Variants in PSMB5 observed in about 807,000 individuals in gnomAD.
The protein encoded by PSMB5 is proteasome 20S subunit beta 5, also known as proteasome subunit beta type-5.
PSMB5 carries 2 observed loss-of-function variants against 22.8 expected under a neutral mutation model. The ratio of observed to expected loss-of-function variants is 0.09; its 90% confidence interval spans 0.04 to 0.28. The LOEUF (loss-of-function observed/expected upper bound fraction) is 0.28. PSMB5 is among the 10% of genes least tolerant of loss of function. The pLI is 1.00. For synonymous variants in PSMB5, 133 were observed against 135.3 expected (o/e 0.98, Z 0.12); for missense variants, 269 against 343.8 (o/e 0.78, Z 1.72).
chr14:23,027,410 TA>T (rs1566713997), intron 2 of PSMB5, among the ~76,000 whole-genome samples: 23 of 141,090 alleles, frequency 1.6e-4, no homozygotes, highest in African/African-American at 6.0e-4. Flanking sequence ...ATAATAATAA[TA>T]AATAAATAAA....
chr14:23,026,389 T>C lies in PSMB5; in HGVS notation c.506-14A>G, dbSNP rs750240183. On this transcript the variant is annotated splice_polypyrimidine_tract_variant and intron_variant, in intron 2 of 2. Transcript: ENST00000361611. ...CGTAGTAGAGGCCTGGAAAGGGAGA[T>C]GAGGTTAGCAGGAAAAAAAAAAAGA... 4 of 1,606,914 alleles carry C rather than the reference T, an allele frequency of 2.5e-6. No individual in the cohort carries two copies. The highest frequency in any genetic ancestry group is 1.7e-4 in the Middle Eastern group (1 of 6,010).
chr14:23,032,899 C>A (rs1224738388), intron 2 of PSMB5, among the ~76,000 whole-genome samples: 7 of 147,270 alleles, frequency 4.8e-5, no homozygotes, highest in Non-Finnish European at 1.1e-4. Flanking sequence ...GCCCGGCCTT[C>A]AACGAATTCT....
chr14:23,033,495 C>T lies in PSMB5; in HGVS notation c.378G>A (p.Glu126=). The T allele has an allele frequency of 6.2e-7, 1 of 1,614,142 alleles. No individual in the cohort carries two copies. Among genetic ancestry groups the T allele is most frequent in the South Asian group, 1.1e-5 (1 of 91,074 alleles). ...RLLARQCRIY[E]LRNKERISVA... ...CAGAGATGCGTTCCTTATTTCGAAG[C>T]TCATAGATTCGACATTGCCGAGCCA... The change falls in exon 2 of 3, where the codon GAG becomes GAA. Residue 126 remains glutamate, a synonymous_variant. Transcript: ENST00000361611.
At chr14:23,027,808 T>G (rs1273663888) in intron 2 of PSMB5, 1 of 1,547,368 alleles carries the variant, frequency 6.5e-7, no homozygotes, top group African/African-American at 1.4e-5. Context: ...TGACTTAGGT[T>G]TCAAGCACAG....
intron 2 of PSMB5, among the ~76,000 whole-genome samples, chr14:23,027,135 C>T (rs2046920500): frequency 6.6e-6 from 1 of 151,446 alleles, no homozygotes; most frequent in Non-Finnish European, 1.5e-5. Context: ...GTAATCCCAG[C>T]ACTTTGGGAG....
intron 1 of PSMB5, among the ~76,000 whole-genome samples, chr14:23,034,042 G>A (rs1402504492): frequency 6.6e-6 from 1 of 151,374 alleles, no homozygotes; most frequent in African/African-American, 2.4e-5. Flanking sequence ...GTGGTGGTGT[G>A]TGCCTATAGT....
intron 2 of PSMB5, chr14:23,027,906 G>T: frequency 9.1e-7 from 1 of 1,104,866 alleles, no homozygotes; most frequent in Non-Finnish European, 1.3e-6. Context: ...CACTTTGGGA[G>T]GCCGAGGCAG....
At chr14:23,029,818 G>T (rs2046940324) in intron 2 of PSMB5, among the ~76,000 whole-genome samples, 1 of 150,564 alleles carries the variant, frequency 6.6e-6, no homozygotes. Context: ...GTCTTGCTCT[G>T]TTGCCCAGTC....
At chr14:23,030,414 G>A (rs922489719) in intron 2 of PSMB5, among the ~76,000 whole-genome samples, 8 of 151,744 alleles carry the variant, frequency 5.3e-5, no homozygotes, top group Admixed American at 4.6e-4. Context: ...GCGTGAATCC[G>A]GGAGGCGGAG....
chr14:23,032,216 G>A (rs1296256029), intron 2 of PSMB5, among the ~76,000 whole-genome samples: 3 of 152,010 alleles, frequency 2.0e-5, no homozygotes, highest in African/African-American at 4.8e-5. Flanking sequence ...AGGCTGAGGC[G>A]GGTGAATCAC....
rs2046913009 is a variant in PSMB5, at chr14:23,026,338, T to C, written c.543A>G (p.Ser181=). ...YYVDSEGNRI[S]GATFSVGSGS... Reference sequence around the variant, plus strand: ...CAGAACCTACAGAGAAGGTGGCCCCTGAAATCCGGTTCCCTTCACTGTCCA... The same window carrying C: ...CAGAACCTACAGAGAAGGTGGCCCCCGAAATCCGGTTCCCTTCACTGTCCA... The change falls in exon 3 of 3, where the codon TCA becomes TCG. Residue 181 remains serine, a synonymous_variant. Transcript: ENST00000361611. The C allele has an allele frequency of 1.2e-6, 2 of 1,613,654 alleles. No individual in the cohort carries two copies. The highest frequency in any genetic ancestry group is 1.6e-4 in the Middle Eastern group (1 of 6,084).
intron 1 of PSMB5, among the ~76,000 whole-genome samples, chr14:23,034,176 G>A (rs2046974619): frequency 6.6e-6 from 1 of 151,134 alleles, no homozygotes; most frequent in Admixed American, 6.6e-5. Flanking sequence ...CAGGTTCAAT[G>A]AAATCAAATG....
Position 23,034,768 on chromosome 14 carries a change from A to G in PSMB5, c.114T>C (p.Gly38=). 1 of 1,614,146 alleles carries G rather than the reference A, an allele frequency of 6.2e-7. No homozygotes were observed. The highest frequency in any genetic ancestry group is 1.3e-5 in the African/African-American group (1 of 75,034). The change falls in exon 1 of 3, where the codon GGT becomes GGC. Residue 38 remains glycine, a synonymous_variant. Transcript: ENST00000361611. ...CCCAGCCTGGCGCGGCCAGGCTCAG[A>G]CCATCACTGAGACTCCCTGGACCTA... ...LDLGPGSLSD[G]LSLAAPGWGV...
At chr14:23,026,454 GTTC>G (rs2046914341) in intron 2 of PSMB5, 79 bp from the exon 3 acceptor site, 3 of 1,531,140 alleles carry the variant, frequency 2.0e-6, no homozygotes, top group South Asian at 2.6e-5. Context: ...CAAGGCAGTA[GTTC>G]TTTTTTTTTG....
In PSMB5 at chr14:23,034,666, A is replaced by AG; in HGVS notation, c.198+17dup. On this transcript the variant is annotated intron_variant, in intron 1 of 2. Transcript: ENST00000361611. Reference sequence around the variant, plus strand: ...CGGGCGTTCAGTACTCAGCCTGGCAAGGGGGCTGGCTCCACACCTTGAAGG... The same window carrying AG: ...CGGGCGTTCAGTACTCAGCCTGGCAAGGGGGGCTGGCTCCACACCTTGAAGG... The AG allele has an allele frequency of 6.2e-7, 1 of 1,613,104 alleles. No homozygotes were observed. The highest frequency in any genetic ancestry group is 8.5e-7 in the Non-Finnish European group (1 of 1,179,620).
chr14:23,027,330 G>A (rs1479577180), intron 2 of PSMB5, among the ~76,000 whole-genome samples: 1 of 138,602 alleles, frequency 7.2e-6, no homozygotes, highest in African/African-American at 2.7e-5. Flanking sequence ...GCGGTGAGCC[G>A]AGATCGCGCC....
At chr14:23,031,020 A>T (rs1205153102) in intron 2 of PSMB5, among the ~76,000 whole-genome samples, 1 of 152,226 alleles carries the variant, frequency 6.6e-6, no homozygotes, top group East Asian at 1.9e-4. Flanking sequence ...ATTAGGTTGA[A>T]AAATACCTGC....
rs1390411842 is a variant in PSMB5 at position 23,025,887 on chromosome 14, A to T, written c.*202T>A. Reference sequence around the variant, plus strand: ...AGTGAGTAGTGTAATGTTAACATCCAAGAAAGTAAAACAAATAGTCACCTC... The same window carrying T: ...AGTGAGTAGTGTAATGTTAACATCCTAGAAAGTAAAACAAATAGTCACCTC... On this transcript the variant is annotated 3_prime_UTR_variant, in exon 3 of 3. Transcript: ENST00000361611. The T allele has an allele frequency of 2.8e-6, 4 of 1,422,668 alleles. No individual in the cohort carries two copies. The East Asian group carries it at 1.0e-4, about 36-fold the overall frequency. 88.1% of individuals were successfully genotyped at this position (1,422,668 alleles called of 1,614,324 possible). A position where few individuals can be genotyped will look rare whatever the true frequency, so the allele number is the denominator to read the frequency against.
At position 23,034,750 on chromosome 14, in the gene PSMB5, T is replaced by C; in HGVS notation, c.132A>G (p.Pro44=). The change falls in exon 1 of 3, where the codon CCA becomes CCG. Residue 44 remains proline, a synonymous_variant. Transcript: ENST00000361611. ...SLSDGLSLAA[P]GWGVPEEPGI... The stretch of plus-strand genomic sequence containing the variant: ...CTGGCTCTTCTGGGACACCCCAGCC[T>C]GGCGCGGCCAGGCTCAGACCATCAC... The C allele has an allele frequency of 6.2e-7, 1 of 1,614,186 alleles. No individual in the cohort carries two copies. The highest frequency in any genetic ancestry group is 8.5e-7 in the Non-Finnish European group (1 of 1,180,018).
Sources: gnomAD v4.1 joint callset for allele counts (sites outside exome capture counted in the v4.1 genomes callset) on GRCh38, gnomAD v4.1.1 for gene constraint, MANE v1.5 for transcripts, NCBI Gene and HGNC (gene_info 2026-07-23, HGNC 2026-07-21) for gene names.